TP53BP2: variants seen among roughly 807,000 people sequenced by gnomAD.
TP53BP2 encodes the protein tumor protein p53 binding protein 2, also known as apoptosis-stimulating of p53 protein 2.
Under a neutral mutation model 126.2 loss-of-function variants are expected in TP53BP2, and 62 were observed. The observed-to-expected ratio is 0.49, with a 90% confidence interval of 0.40 to 0.61. The LOEUF (loss-of-function observed/expected upper bound fraction) is 0.61, where lower values mean the gene tolerates loss of function less well. Among genes scored for constraint, TP53BP2 ranks in the 20% least tolerant of loss-of-function variants. The pLI, the probability that TP53BP2 is intolerant of heterozygous loss-of-function variation, is 0.00. For synonymous variants in TP53BP2, 485 were observed against 502.9 expected, an observed-to-expected ratio of 0.96 and a Z score of 0.48; for missense variants, 1,215 against 1,402.8, an observed-to-expected ratio of 0.87 and a Z score of 2.14.
intron 1 of TP53BP2, 58 bp downstream of exon 1, chr1:223,845,596 C>T: frequency 1.3e-6 from 2 of 1,509,150 alleles, no homozygotes; most frequent in East Asian, 2.8e-5. Context: ...CGGACCAGCC[C>T]CCGGCACGCG....
chr1:223,810,304 T>G, intron 4 of TP53BP2, 127 bp downstream of exon 4: 1 of 601,892 alleles, frequency 1.7e-6, no homozygotes, highest in Non-Finnish European at 2.7e-6. Flanking sequence ...TGAAACAAAT[T>G]TAAAATAACC....
At chr1:223,814,908 C>A (rs1407018575) in intron 2 of TP53BP2, among the ~76,000 whole-genome samples, 1 of 151,902 alleles carries the variant, frequency 6.6e-6, no homozygotes, top group Non-Finnish European at 1.5e-5. Context: ...CTATATTTGC[C>A]CCTCTTCCAG....
chr1:223,792,820 C>A (rs1662197875), intron 14 of TP53BP2, among the ~76,000 whole-genome samples: 1 of 149,214 alleles, frequency 6.7e-6, no homozygotes, highest in African/African-American at 2.5e-5. Flanking sequence ...AGCTTCTCAC[C>A]ACAAATTAGT....
At chr1:223,821,595 T>C (rs1318313626) in intron 1 of TP53BP2, 1 of 690,586 alleles carries the variant, frequency 1.4e-6, no homozygotes, top group Non-Finnish European at 2.7e-6. Flanking sequence ...GACCCTAGAA[T>C]ACAGTCACAT....
Position 223,796,073 on chromosome 1 carries a change from G to A in TP53BP2, c.2466C>T (p.Ala822=). The part of the protein sequence containing the change: ...ESLSPEDVGN[A]STENSDMPAP... The stretch of plus-strand genomic sequence containing the variant: ...CTGGCATGTCACTGTTCTCTGTACT[G>A]GCATTCCCCACATCCTCTGGGGACA... The change falls in exon 13 of 18, where the codon GCC becomes GCT. Residue 822 remains alanine, a synonymous_variant. Transcript: ENST00000343537. The surrounding 1 kb of genome is among the most constrained non-coding windows in gnomAD (Gnocchi z 4.2). The A allele has an allele frequency of 6.2e-7, 1 of 1,614,176 alleles. No individual in the cohort carries two copies. The highest frequency in any genetic ancestry group is 1.6e-4 in the Middle Eastern group (1 of 6,062).
intron 1 of TP53BP2, among the ~76,000 whole-genome samples, chr1:223,835,758 G>A (rs1663900437): frequency 6.6e-6 from 1 of 152,114 alleles, no homozygotes; most frequent in South Asian, 2.1e-4. Flanking sequence ...ACTGTGCTAA[G>A]TGCTAGAAAC....
At chr1:223,834,693 CT>C (rs898045456) in intron 1 of TP53BP2, 2 of 362,140 alleles carry the variant, frequency 5.5e-6, no homozygotes, top group African/African-American at 4.4e-5. Flanking sequence ...AAAATAGCCA[CT>C]TTTCCTCACT....
intron 1 of TP53BP2, chr1:223,845,249 G>GT: frequency 3.0e-6 from 3 of 985,120 alleles, no homozygotes; most frequent in Middle Eastern, 5.2e-4. Context: ...TTCCAGTAAC[G>GT]TATGTTTCAC....
intron 1 of TP53BP2, among the ~76,000 whole-genome samples, chr1:223,834,674 G>A (rs1288854101): frequency 6.6e-6 from 1 of 152,048 alleles, no homozygotes; most frequent in African/African-American, 2.4e-5. Context: ...GTCACCAAAT[G>A]AGGAATCTAA....
chr1:223,824,320 T>G (rs773124007), intron 1 of TP53BP2, among the ~76,000 whole-genome samples: 1 of 152,232 alleles, frequency 6.6e-6, no homozygotes, highest in Non-Finnish European at 1.5e-5. Context: ...GTTCTATTTA[T>G]GGTTACTTTT....
chr1:223,819,436 C>T (rs943898761), intron 2 of TP53BP2, among the ~76,000 whole-genome samples: 1 of 152,026 alleles, frequency 6.6e-6, no homozygotes, highest in Admixed American at 6.6e-5. Flanking sequence ...CCTGTAATCC[C>T]AGCGCTTTGG....
intron 10 of TP53BP2, 23 bp downstream of exon 10, chr1:223,800,677 A>T (rs760814163): frequency 6.5e-7 from 1 of 1,549,086 alleles, no homozygotes; most frequent in East Asian, 2.3e-5. Flanking sequence ...TTAATGTTCA[A>T]GAGTAGCACA....
intron 1 of TP53BP2, among the ~76,000 whole-genome samples, chr1:223,823,248 G>A (rs2102875161): frequency 6.6e-6 from 1 of 152,298 alleles, no homozygotes; most frequent in Non-Finnish European, 1.5e-5. Context: ...GGAGAAAGCT[G>A]CATTAAGATG....
intron 5 of TP53BP2, among the ~76,000 whole-genome samples, chr1:223,806,155 T>C (rs1301641531): frequency 6.6e-6 from 1 of 152,186 alleles, no homozygotes; most frequent in African/African-American, 2.4e-5. Context: ...ATTAATCTGA[T>C]CCAAGATTAA....
At chr1:223,831,480 AATATATATATATATATATATATATAT>A (rs10543436) in intron 1 of TP53BP2, among the ~76,000 whole-genome samples, 1 of 32,464 alleles carries the variant, frequency 3.1e-5, no homozygotes, top group Non-Finnish European at 6.5e-5. Context: ...AAAAAAAAAA[AATATATATATATATATATATATATAT>A]ATATATATAT....
At chr1:223,821,180 G>C in intron 2 of TP53BP2, 40 bp downstream of exon 2, 2 of 1,613,264 alleles carry the variant, frequency 1.2e-6, no homozygotes, top group Non-Finnish European at 1.7e-6. Flanking sequence ...ATTAATAGAA[G>C]ACAGAAGAAC....
At chr1:223,792,582 T>TA in intron 14 of TP53BP2, 60 bp from the exon 15 acceptor site, 1 of 1,581,868 alleles carries the variant, frequency 6.3e-7, no homozygotes, top group Non-Finnish European at 8.7e-7. Context: ...CTGTCACTAC[T>TA]AACTGGCTCC....
At chr1:223,837,045 AC>A (rs1385368486) in intron 1 of TP53BP2, among the ~76,000 whole-genome samples, 1 of 151,988 alleles carries the variant, frequency 6.6e-6, no homozygotes, top group African/African-American at 2.4e-5. Context: ...AAACACTGCC[AC>A]AAAGAGACCG....
intron 4 of TP53BP2, among the ~76,000 whole-genome samples, chr1:223,809,777 CAAAG>C (rs1662847445): frequency 1.3e-5 from 2 of 151,786 alleles, no homozygotes; most frequent in Non-Finnish European, 2.9e-5. Context: ...CAAAATATAC[CAAAG>C]ATGCATGCTC....
Sources: allele counts gnomAD v4.1 joint callset (sites outside exome capture counted in the v4.1 genomes callset), GRCh38; gene constraint gnomAD v4.1.1; non-coding constraint Gnocchi (gnomAD v3.1); transcripts MANE v1.5; gene names NCBI Gene and HGNC (gene_info 2026-07-23, HGNC 2026-07-21).